LDLRAP1: variants seen among roughly 807,000 people sequenced by gnomAD.
LDLRAP1 encodes the protein low density lipoprotein receptor adapter protein 1.
LDLRAP1 carries 30 observed loss-of-function variants against 37.8 expected under a neutral mutation model. That is an observed-to-expected ratio of 0.79 (90% CI 0.59 to 1.08). LDLRAP1 has a LOEUF of 1.08. Among genes scored for constraint, LDLRAP1 ranks in the 50% least tolerant of loss-of-function variants. The probability of loss-of-function intolerance (pLI) is 0.00; values close to 1 mark genes in which losing one functional copy is unlikely to be tolerated. For missense variants in LDLRAP1, 375 were observed against 401.6 expected, an observed-to-expected ratio of 0.93 and a Z score of 0.57; for synonymous variants, 156 against 169.8, an observed-to-expected ratio of 0.92 and a Z score of 0.63.
At chr1:25,589,779 A>G in the LDLRAP1 span, among the ~76,000 whole-genome samples, 1 of 152,106 alleles carries the variant, frequency 6.6e-6, no homozygotes, top group Non-Finnish European at 1.5e-5. Context: ...CTTGGCCTCC[A>G]TAATTGTGTG....
In LDLRAP1 at chr1:25,567,134, G is replaced by A; in HGVS notation, c.*142G>A. ...AGCCTGAAGATCAGAGCTGCAGCCA[G>A]TCAGGCAGGGGAGAGATTTTTCTTT... On this transcript the variant is annotated 3_prime_UTR_variant, in exon 9 of 9. Transcript: ENST00000374338. 1 of 1,020,710 alleles carries A rather than the reference G, an allele frequency of 9.8e-7. No homozygotes were observed. Among genetic ancestry groups the A allele is most frequent in the Non-Finnish European group, 1.5e-6 (1 of 675,658 alleles). 63.2% of individuals were successfully genotyped at this position (1,020,710 alleles called of 1,614,324 possible). A position where few individuals can be genotyped will look rare whatever the true frequency, so the allele number is the denominator to read the frequency against.
At position 25,568,884 on chromosome 1, in the gene LDLRAP1, C is replaced by G. The variant is rs2044556783; in HGVS notation, c.*1892C>G. ...TAATAAATGTTCTCGTTTTGAAACTCAAGCAACGCTCATCAGGTGGAGTAG... is the reference window on the plus strand; with the variant it reads ...TAATAAATGTTCTCGTTTTGAAACTGAAGCAACGCTCATCAGGTGGAGTAG... On this transcript the variant is annotated 3_prime_UTR_variant, in exon 9 of 9. Transcript: ENST00000374338. 6.6e-6 allele frequency: 1 copy of G among 152,274 alleles called. No individual in the cohort carries two copies. The highest frequency in any genetic ancestry group is 2.1e-4 in the South Asian group (1 of 4,838). 9.4% of individuals were successfully genotyped at this position (152,274 alleles called of 1,614,324 possible).
chr1:25,560,062 G>A (rs962724216), intron 4 of LDLRAP1, among the ~76,000 whole-genome samples: 6 of 149,938 alleles, frequency 4.0e-5, no homozygotes, highest in Non-Finnish European at 8.9e-5. Context: ...TTGCCAGGCC[G>A]AGAGAAGGGG....
In LDLRAP1 at chr1:25,566,754, G is replaced by T. The variant is rs1438872117; in HGVS notation, c.783-94G>T. The T allele has an allele frequency of 2.7e-6, 4 of 1,479,468 alleles. No individual in the cohort carries two copies. In the Admixed American group the frequency reaches 5.9e-5, roughly 22 times the overall value. 91.6% of individuals were successfully genotyped at this position (1,479,468 alleles called of 1,614,324 possible). A position where few individuals can be genotyped will look rare whatever the true frequency, so the allele number is the denominator to read the frequency against. On this transcript the variant is annotated intron_variant, in intron 8 of 8. Transcript: ENST00000374338. ...CGGGGGCTTCCTTCTTGGGCCATGTGCCCTGCTGTTCCCCACTGGTGCCCC... is the reference window on the plus strand; with the variant it reads ...CGGGGGCTTCCTTCTTGGGCCATGTTCCCTGCTGTTCCCCACTGGTGCCCC...
chr1:25,563,952 A>C, intron 7 of LDLRAP1, 161 bp downstream of exon 7: 1 of 868,512 alleles, frequency 1.2e-6, no homozygotes, highest in Non-Finnish European at 1.8e-6. Context: ...GGGATGAACA[A>C]TGTCCCTTTT....
Position 25,567,168 on chromosome 1 carries a change from G to C in LDLRAP1, c.*176G>C. The C allele has an allele frequency of 1.4e-6, 1 of 735,440 alleles. No individual in the cohort carries two copies. The highest frequency in any genetic ancestry group is 2.3e-6 in the Non-Finnish European group (1 of 438,054). The allele number at this position is 735,440 out of a possible 1,614,324, so 45.6% of individuals were successfully genotyped here. A position where few individuals can be genotyped will look rare whatever the true frequency, so the allele number is the denominator to read the frequency against. ...GGGAGAGATTTTTCTTTTAAGCCCTGCTCTTTCTCTGAGAACCAAAAGATG... is the reference window on the plus strand; with the variant it reads ...GGGAGAGATTTTTCTTTTAAGCCCTCCTCTTTCTCTGAGAACCAAAAGATG... On this transcript the variant is annotated 3_prime_UTR_variant, in exon 9 of 9. Coordinates refer to ENST00000374338, the MANE Select transcript of LDLRAP1 (RefSeq NM_015627.3).
intron 4 of LDLRAP1, among the ~76,000 whole-genome samples, chr1:25,561,774 A>G (rs1388896007): frequency 6.6e-6 from 1 of 152,090 alleles, no homozygotes; most frequent in Non-Finnish European, 1.5e-5. Context: ...CATTGTTGCC[A>G]CCTCTGGGAG....
At chr1:25,547,578 T>C (rs961043870) in intron 1 of LDLRAP1, among the ~76,000 whole-genome samples, 52 of 152,046 alleles carry the variant, frequency 3.4e-4, no homozygotes, top group Admixed American at 3.4e-3. Flanking sequence ...GTGGGAACTG[T>C]GGGAGGCAGT....
chr1:25,545,321 G>A (rs1360128338), intron 1 of LDLRAP1, among the ~76,000 whole-genome samples: 7 of 152,204 alleles, frequency 4.6e-5, no homozygotes, highest in African/African-American at 7.2e-5. Flanking sequence ...TGAATCTGGG[G>A]ACGTGGAAGA....
chr1:25,551,570 C>T (rs2124654733), intron 1 of LDLRAP1, among the ~76,000 whole-genome samples: 1 of 152,168 alleles, frequency 6.6e-6, no homozygotes, highest in East Asian at 1.9e-4. Context: ...GATGATGGTG[C>T]TGTTATTCTG....
At chr1:25,578,284 A>G in the LDLRAP1 span, among the ~76,000 whole-genome samples, 44 of 152,320 alleles carry the variant, frequency 2.9e-4, 1 homozygote, top group Admixed American at 2.9e-3. Flanking sequence ...CTATAGACAG[A>G]GGCCTACGGC....
the LDLRAP1 span, among the ~76,000 whole-genome samples, chr1:25,589,353 G>A: frequency 7.1e-6 from 1 of 139,886 alleles, no homozygotes. Flanking sequence ...CTGGGGGTGA[G>A]CAACACTAAG....
intron 1 of LDLRAP1, among the ~76,000 whole-genome samples, chr1:25,552,133 G>A (rs993381827): frequency 1.3e-5 from 2 of 152,162 alleles, no homozygotes; most frequent in Non-Finnish European, 2.9e-5. Flanking sequence ...GAGGCCCAGG[G>A]CTCTAGGATA....
chr1:25,567,181 G>A lies in LDLRAP1; in HGVS notation c.*189G>A. The A allele has an allele frequency of 1.5e-6, 1 of 674,396 alleles. No individual in the cohort carries two copies. Among genetic ancestry groups the A allele is most frequent in the Non-Finnish European group, 2.6e-6 (1 of 389,030 alleles). The allele number at this position is 674,396 out of a possible 1,614,324, so 41.8% of individuals were successfully genotyped here. ...CTTTTAAGCCCTGCTCTTTCTCTGAGAACCAAAAGATGCCTTGAATATTTA... is the reference window on the plus strand; with the variant it reads ...CTTTTAAGCCCTGCTCTTTCTCTGAAAACCAAAAGATGCCTTGAATATTTA... On this transcript the variant is annotated 3_prime_UTR_variant, in exon 9 of 9. Coordinates refer to ENST00000374338, the MANE Select transcript of LDLRAP1 (RefSeq NM_015627.3).
chr1:25,554,309 C>G lies in LDLRAP1; in HGVS notation c.231+245C>G, dbSNP rs1211347471. On this transcript the variant is annotated intron_variant, in intron 2 of 8. Coordinates refer to ENST00000374338, the MANE Select transcript of LDLRAP1 (RefSeq NM_015627.3). This position sits in a 1 kb window ranked among gnomAD's most constrained non-coding sequence, Gnocchi z 5.4. The stretch of plus-strand genomic sequence containing the variant: ...AGCCTCCCCACCCCCAGCTCAGGCT[C>G]CCTACCAATGCATTGGTGACTTATC... Among the ~76,000 whole-genome samples, 1 of 152,072 alleles carries G rather than the reference C, an allele frequency of 6.6e-6. No homozygotes were observed. The highest frequency in any genetic ancestry group is 1.9e-4 in the East Asian group (1 of 5,180).
chr1:25,563,818 G>C, intron 7 of LDLRAP1, 27 bp downstream of exon 7: 1 of 1,612,952 alleles, frequency 6.2e-7, no homozygotes, highest in African/African-American at 1.3e-5. Flanking sequence ...CCAGCAGATC[G>C]GTGATCCTCA....
At position 25,553,902 on chromosome 1, in the gene LDLRAP1, C is replaced by T; in HGVS notation, c.89-20C>T. Reference sequence around the variant, plus strand: ...GGCCCTGAGCCGCAGGGTCTGAGGGCCTACCCTGTGCTACCCCAGAGCTGC... The same window carrying T: ...GGCCCTGAGCCGCAGGGTCTGAGGGTCTACCCTGTGCTACCCCAGAGCTGC... On this transcript the variant is annotated intron_variant, in intron 1 of 8. Coordinates refer to ENST00000374338, the MANE Select transcript of LDLRAP1 (RefSeq NM_015627.3). 2 of 1,612,476 alleles carry T rather than the reference C, an allele frequency of 1.2e-6. No homozygotes were observed. The highest frequency in any genetic ancestry group is 1.7e-6 in the Non-Finnish European group (2 of 1,179,818).
chr1:25,562,745 T>A, intron 5 of LDLRAP1, 29 bp downstream of exon 5: 1 of 1,597,914 alleles, frequency 6.3e-7, no homozygotes, highest in Non-Finnish European at 8.6e-7. Context: ...ATTGTGGGTG[T>A]GGTGGGAGGT....
At chr1:25,545,645 C>T (rs116312113) in intron 1 of LDLRAP1, among the ~76,000 whole-genome samples, 2,236 of 152,258 alleles carry the variant, frequency 0.015, 53 homozygotes, top group African/African-American at 0.047. Context: ...TCCCCCTCCT[C>T]CAGGCCCTGG....
Sources: gnomAD v4.1 joint callset for allele counts (sites outside exome capture counted in the v4.1 genomes callset) on GRCh38, gnomAD v4.1.1 for gene constraint, Gnocchi (gnomAD v3.1) non-coding constraint, MANE v1.5 for transcripts, NCBI Gene and HGNC (gene_info 2026-07-23, HGNC 2026-07-21) for gene names.